Variants in GLDC observed in about 807,000 individuals in gnomAD.
GLDC encodes glycine decarboxylase.
In GLDC, 104 loss-of-function variants were observed where a neutral mutation model predicts 121.3. That is an observed-to-expected ratio of 0.86 (90% CI 0.73 to 1.01). GLDC has a LOEUF of 1.01. GLDC is among the 50% of genes least tolerant of loss of function. The pLI, the probability that GLDC is intolerant of heterozygous loss-of-function variation, is 0.00. For synonymous variants in GLDC, 546 were observed against 480.6 expected, an observed-to-expected ratio of 1.14 and a Z score of -1.78; for missense variants, 1,429 against 1,306.6, an observed-to-expected ratio of 1.09 and a Z score of -1.44.
intron 15 of GLDC, among the ~76,000 whole-genome samples, chr9:6,579,843 G>T (rs962755341): frequency 6.6e-6 from 1 of 152,174 alleles, no homozygotes; most frequent in African/African-American, 2.4e-5. Context: ...CCTCTCTGTT[G>T]CTGGGTCCAG....
intron 1 of GLDC, 155 bp from the exon 2 acceptor site, chr9:6,644,847 T>G (rs770842881): frequency 8.9e-6 from 6 of 673,876 alleles, no homozygotes; most frequent in African/African-American, 1.8e-5. Context: ...GCCAGAATGA[T>G]TTGGAGGAAA....
chr9:6,636,881 C>T (rs1012541139), intron 2 of GLDC, among the ~76,000 whole-genome samples: 2 of 151,830 alleles, frequency 1.3e-5, no homozygotes, highest in African/African-American at 4.8e-5. Flanking sequence ...GTCAGGAGTT[C>T]AAGACCAGCC....
chr9:6,540,320 CT>C (rs1817228520), intron 21 of GLDC, 174 bp from the exon 22 acceptor site: 5 of 627,358 alleles, frequency 8.0e-6, no homozygotes, highest in Admixed American at 5.1e-5. Context: ...TTCATTTAGT[CT>C]TATTACAAAT....
intron 15 of GLDC, chr9:6,567,314 T>G (rs999963168): frequency 6.6e-6 from 1 of 152,012 alleles, no homozygotes; most frequent in Non-Finnish European, 1.5e-5. Context: ...CTATTTGAGG[T>G]TTTTTCATTT....
intron 20 of GLDC, among the ~76,000 whole-genome samples, chr9:6,552,599 A>C (rs1295808015): frequency 6.6e-6 from 1 of 152,138 alleles, no homozygotes; most frequent in Non-Finnish European, 1.5e-5. Context: ...CTCTGGAATG[A>C]TTGGCATAGC....
chr9:6,540,323 A>G (rs945746662), intron 21 of GLDC, 177 bp from the exon 22 acceptor site: 2 of 622,776 alleles, frequency 3.2e-6, no homozygotes, highest in Admixed American at 2.6e-5. Flanking sequence ...ATTTAGTCTT[A>G]TTACAAATAA....
chr9:6,585,695 G>A (rs1245938420), intron 15 of GLDC, among the ~76,000 whole-genome samples: 1 of 152,190 alleles, frequency 6.6e-6, no homozygotes. Context: ...CAACTCTGAG[G>A]CTGCTGGTAG....
At chr9:6,568,253 A>G (rs1229480888) in intron 15 of GLDC, among the ~76,000 whole-genome samples, 1 of 152,216 alleles carries the variant, frequency 6.6e-6, no homozygotes, top group Non-Finnish European at 1.5e-5. Flanking sequence ...TTCAACCCAA[A>G]AAGTGCAAAT....
At chr9:6,560,868 C>G (rs977398251) in intron 16 of GLDC, among the ~76,000 whole-genome samples, 1 of 152,146 alleles carries the variant, frequency 6.6e-6, no homozygotes, top group African/African-American at 2.4e-5. Context: ...TGGAAAAATT[C>G]TTCTGGATTT....
intron 2 of GLDC, among the ~76,000 whole-genome samples, chr9:6,642,466 G>T (rs774335220): frequency 2.0e-5 from 3 of 152,168 alleles, no homozygotes; most frequent in Non-Finnish European, 2.9e-5. Context: ...GGGAGGCAGA[G>T]GTTGTAGTGA....
intron 11 of GLDC, among the ~76,000 whole-genome samples, chr9:6,590,548 C>T (rs911497809): frequency 7.9e-5 from 12 of 152,130 alleles, no homozygotes; most frequent in Non-Finnish European, 1.6e-4. Context: ...TTTCTTTTGC[C>T]ATGTGATGCC....
intron 2 of GLDC, among the ~76,000 whole-genome samples, chr9:6,626,155 G>A (rs1301010860): frequency 6.6e-6 from 1 of 151,888 alleles, no homozygotes; most frequent in African/African-American, 2.4e-5. Context: ...TCCTGTGATA[G>A]TAGCCCTAGC....
chr9:6,631,463 T>C (rs888584874), intron 2 of GLDC, among the ~76,000 whole-genome samples: 2 of 152,230 alleles, frequency 1.3e-5, no homozygotes, highest in African/African-American at 4.8e-5. Context: ...ATTTTACTCC[T>C]TGAACTTGGA....
At position 6,606,647 on chromosome 9, in the gene GLDC, G is replaced by A. The variant is rs1818739987; in HGVS notation, c.658C>T (p.Leu220Phe). ...TGTGGGTGGCAACGGGGATCAACGA[G>A]AAATTTCCTCCTCTTGTTGTGTCTG... The part of the protein sequence containing the change: ...CYRHNKRRKF[L>F]VDPRCHPQTI... The change falls in exon 5 of 25, where the codon CTC (leucine) becomes TTC (phenylalanine). Residue 220 changes from leucine (L) to phenylalanine (F), a missense_variant. Physicochemically the swap from Leu to Phe is conservative, Grantham distance 22. Coordinates refer to ENST00000321612, the MANE Select transcript of GLDC (RefSeq NM_000170.3). The A allele has an allele frequency of 6.2e-7, 1 of 1,605,666 alleles. No homozygotes were observed. Among genetic ancestry groups the A allele is most frequent in the African/African-American group, 1.3e-5 (1 of 74,536 alleles).
At chr9:6,585,755 A>G (rs1268847332) in intron 15 of GLDC, among the ~76,000 whole-genome samples, 3 of 152,216 alleles carry the variant, frequency 2.0e-5, no homozygotes, top group East Asian at 1.9e-4. Flanking sequence ...GGCAGATACC[A>G]TAACTCATTT....
At position 6,610,470 on chromosome 9, in the gene GLDC, T is replaced by C. The variant is rs529637424; in HGVS notation, c.471-114A>G. The C allele has an allele frequency of 3.7e-5, 35 of 938,928 alleles. No individual in the cohort carries two copies. In the East Asian group the frequency reaches 8.0e-4, roughly 22 times the overall value. 58.2% of individuals were successfully genotyped at this position (938,928 alleles called of 1,614,324 possible). Reference sequence around the variant, plus strand: ...AATAATTTGCCTATCTTGAGGAGAATTACATAACACACCAGTAAGCTTCTT... The same window carrying C: ...AATAATTTGCCTATCTTGAGGAGAACTACATAACACACCAGTAAGCTTCTT... On this transcript the variant is annotated intron_variant, in intron 3 of 24. Transcript: ENST00000321612.
chr9:6,636,401 C>T (rs1050968455), intron 2 of GLDC, among the ~76,000 whole-genome samples: 12 of 152,148 alleles, frequency 7.9e-5, no homozygotes, highest in South Asian at 2.1e-4. Flanking sequence ...GGAGACTCTA[C>T]GCTTGTGTGG....
intron 16 of GLDC, among the ~76,000 whole-genome samples, chr9:6,559,507 C>G (rs1269898621): frequency 1.2e-5 from 1 of 85,228 alleles, no homozygotes; most frequent in Non-Finnish European, 2.1e-5. Context: ...AAGAGTGAAA[C>G]TCCGTATTTA....
chr9:6,642,252 G>T (rs56087241), intron 2 of GLDC, among the ~76,000 whole-genome samples: 408 of 152,326 alleles, frequency 2.7e-3, no homozygotes, highest in African/African-American at 9.5e-3. Context: ...TATATGGCAT[G>T]GGCATGGTGG....
Sources: gnomAD v4.1 joint callset for allele counts (sites outside exome capture counted in the v4.1 genomes callset) on GRCh38, gnomAD v4.1.1 for gene constraint, MANE v1.5 for transcripts, NCBI Gene and HGNC (gene_info 2026-07-23, HGNC 2026-07-21) for gene names.